VWA3B: variants seen among roughly 807,000 people sequenced by gnomAD.
VWA3B encodes the protein von Willebrand factor A domain-containing protein 3B.
A neutral mutation model predicts 158.3 loss-of-function variants in VWA3B; 138 were observed. The ratio of observed to expected loss-of-function variants is 0.87; its 90% confidence interval spans 0.76 to 1.00. The LOEUF is 1.00. VWA3B is among the 50% of genes least tolerant of loss of function. VWA3B has a pLI of 0.00. For synonymous variants in VWA3B, 596 were observed against 587.3 expected (o/e 1.01, Z -0.21); for missense variants, 1,555 against 1,565.1 (o/e 0.99, Z 0.11).
At chr2:98,218,089 T>TC in intron 14 of VWA3B, 61 bp downstream of exon 14, 1 of 1,508,578 alleles carries the variant, frequency 6.6e-7, no homozygotes, top group South Asian at 1.3e-5. Flanking sequence ...AGGCTGGCGG[T>TC]CCCTGGGTAA....
chr2:98,145,168 C>A (rs1339311967), intron 7 of VWA3B, among the ~76,000 whole-genome samples: 1 of 152,196 alleles, frequency 6.6e-6, no homozygotes, highest in Non-Finnish European at 1.5e-5. Flanking sequence ...TACAGTGTAC[C>A]CTTTCCGTCT....
intron 3 of VWA3B, among the ~76,000 whole-genome samples, chr2:98,119,001 C>T (rs1333100592): frequency 6.6e-6 from 1 of 152,174 alleles, no homozygotes; most frequent in Admixed American, 6.5e-5. Context: ...TGCAGGAGAG[C>T]TTCACCCGAG....
At chr2:98,176,111 T>C (rs937705547) in intron 8 of VWA3B, among the ~76,000 whole-genome samples, 7 of 152,272 alleles carry the variant, frequency 4.6e-5, no homozygotes, top group African/African-American at 1.4e-4. Flanking sequence ...AGCTGCTCCA[T>C]GCTGAACCGG....
chr2:98,130,001 C>T (rs185370483), intron 6 of VWA3B, among the ~76,000 whole-genome samples: 209 of 152,052 alleles, frequency 1.4e-3, no homozygotes, highest in African/African-American at 4.8e-3. Flanking sequence ...CCCAGGGGAC[C>T]GGCATTCAGC....
chr2:98,316,646 CAAAAAAA>C (rs57574289), downstream of VWA3B, among the ~76,000 whole-genome samples: 2 of 64,268 alleles, frequency 3.1e-5, no homozygotes, highest in South Asian at 9.7e-4. Context: ...AACTCTGTCT[CAAAAAAA>C]AAAAAAAAAA....
At chr2:98,195,435 G>T (rs568480281) in intron 12 of VWA3B, among the ~76,000 whole-genome samples, 85 of 152,272 alleles carry the variant, frequency 5.6e-4, no homozygotes, top group Non-Finnish European at 1.1e-3. Context: ...AAAACTGGGA[G>T]GCGAAAATCT....
chr2:98,327,201 G>A, the VWA3B span, among the ~76,000 whole-genome samples: 1 of 152,080 alleles, frequency 6.6e-6, no homozygotes, highest in Non-Finnish European at 1.5e-5. Flanking sequence ...GCTGAGGTGA[G>A]AGGATCACTT....
At chr2:98,146,257 A>G (rs1048727358) in intron 7 of VWA3B, among the ~76,000 whole-genome samples, 10 of 151,990 alleles carry the variant, frequency 6.6e-5, no homozygotes, top group Non-Finnish European at 1.3e-4. Flanking sequence ...TTTTCCGCAT[A>G]AGTTTCTTAT....
At chr2:98,241,007 A>G (rs1161802592) in intron 19 of VWA3B, among the ~76,000 whole-genome samples, 2 of 152,202 alleles carry the variant, frequency 1.3e-5, no homozygotes, top group African/African-American at 2.4e-5. Flanking sequence ...CACAACCGAC[A>G]GTCTCAGGAG....
chr2:98,198,152 C>T (rs918504960), intron 12 of VWA3B, among the ~76,000 whole-genome samples: 2 of 151,888 alleles, frequency 1.3e-5, no homozygotes, highest in African/African-American at 4.8e-5. Context: ...ATACTGATAC[C>T]TCTAATTCCA....
chr2:98,298,425 T>C (rs547764924), intron 24 of VWA3B, among the ~76,000 whole-genome samples: 27 of 151,244 alleles, frequency 1.8e-4, no homozygotes, highest in South Asian at 8.4e-4. Context: ...TTCTATTCTA[T>C]TCTATTCTAT....
intron 12 of VWA3B, among the ~76,000 whole-genome samples, chr2:98,203,431 C>CAAA (rs1682752963): frequency 6.6e-6 from 1 of 152,120 alleles, no homozygotes; most frequent in African/African-American, 2.4e-5. Context: ...ATTTTCCATA[C>CAAA]AAAAATTGAA....
intron 21 of VWA3B, 74 bp from the exon 22 acceptor site, chr2:98,270,608 A>AT (rs1437705613): frequency 4.1e-6 from 6 of 1,460,796 alleles, no homozygotes; most frequent in Non-Finnish European, 5.6e-6. Flanking sequence ...ATCTTACCAT[A>AT]TTTTTTTATT....
intron 7 of VWA3B, among the ~76,000 whole-genome samples, chr2:98,154,973 G>A (rs1204301604): frequency 2.0e-5 from 3 of 152,264 alleles, no homozygotes; most frequent in East Asian, 1.9e-4. Flanking sequence ...TGGAAGTCTC[G>A]ACCAGGTGTC....
chr2:98,090,098 G>A (rs1026943267), intron 1 of VWA3B, among the ~76,000 whole-genome samples: 1 of 152,180 alleles, frequency 6.6e-6, no homozygotes, highest in Non-Finnish European at 1.5e-5. Flanking sequence ...TTTCAGGGAA[G>A]AGAAAAATTA....
intron 2 of VWA3B, among the ~76,000 whole-genome samples, chr2:98,113,123 A>G (rs1268395867): frequency 6.6e-6 from 1 of 151,624 alleles, no homozygotes; most frequent in Non-Finnish European, 1.5e-5. Flanking sequence ...TAATTTCAAC[A>G]TCTGGTCCAT....
chr2:98,246,969 T>C (rs1301377250), intron 19 of VWA3B, among the ~76,000 whole-genome samples: 1 of 152,106 alleles, frequency 6.6e-6, no homozygotes, highest in Non-Finnish European at 1.5e-5. Context: ...TTTCTATTCC[T>C]TTAGTGATTG....
intron 7 of VWA3B, among the ~76,000 whole-genome samples, chr2:98,156,751 C>T (rs967943530): frequency 5.3e-5 from 8 of 151,562 alleles, no homozygotes; most frequent in Non-Finnish European, 1.5e-5. Flanking sequence ...AACATTTACC[C>T]CTGAGTTGAT....
At chr2:98,216,060 T>G (rs1472212111) in intron 13 of VWA3B, among the ~76,000 whole-genome samples, 1 of 152,238 alleles carries the variant, frequency 6.6e-6, no homozygotes, top group African/African-American at 2.4e-5. Context: ...TTCCAAATAT[T>G]CAGCAGAATT....
Sources: gnomAD v4.1 joint callset for allele counts (sites outside exome capture counted in the v4.1 genomes callset) on GRCh38, gnomAD v4.1.1 for gene constraint, MANE v1.5 for transcripts, NCBI Gene and HGNC (gene_info 2026-07-23, HGNC 2026-07-21) for gene names.